The following CDYL2 variants were observed in gnomAD, a reference collection of about 807,000 sequenced individuals.
CDYL2 encodes chromodomain Y like 2, also known as chromodomain Y-like protein 2.
Under a neutral mutation model 49.4 loss-of-function variants are expected in CDYL2, and 23 were observed. The ratio of observed to expected loss-of-function variants is 0.47; its 90% confidence interval spans 0.34 to 0.66. CDYL2 has a LOEUF of 0.66. Among genes scored for constraint, CDYL2 ranks in the 30% least tolerant of loss-of-function variants. The probability of loss-of-function intolerance (pLI) is 0.01; values close to 1 mark genes in which losing one functional copy is unlikely to be tolerated. For missense variants in CDYL2, 678 were observed against 656.4 expected (o/e 1.03, Z -0.36); for synonymous variants, 360 against 268.8 (o/e 1.34, Z -3.32).
intron 3 of CDYL2, among the ~76,000 whole-genome samples, chr16:80,624,103 C>G (rs1274460189): frequency 6.6e-6 from 1 of 152,162 alleles, no homozygotes; most frequent in Non-Finnish European, 1.5e-5. Context: ...AACCTTGCAG[C>G]AACACTGCGT....
chr16:80,747,602 C>A (rs1267081457), intron 1 of CDYL2, among the ~76,000 whole-genome samples: 1 of 152,070 alleles, frequency 6.6e-6, no homozygotes, highest in Admixed American at 6.5e-5. Flanking sequence ...TGGCAGCTTC[C>A]CCTCTGGAGT....
intron 2 of CDYL2, among the ~76,000 whole-genome samples, chr16:80,661,377 G>A (rs1909038169): frequency 6.6e-6 from 1 of 152,142 alleles, no homozygotes; most frequent in Admixed American, 6.5e-5. Context: ...GTGTCACTTT[G>A]GCATATTCCC....
chr16:80,637,668 A>G (rs1421500181), intron 2 of CDYL2, among the ~76,000 whole-genome samples: 1 of 130,900 alleles, frequency 7.6e-6, no homozygotes. Flanking sequence ...TTAAAAAAAT[A>G]CTGTTTTAAT....
intron 6 of CDYL2, among the ~76,000 whole-genome samples, chr16:80,606,673 C>G (rs1028237834): frequency 1.3e-5 from 2 of 152,180 alleles, no homozygotes; most frequent in African/African-American, 4.8e-5. Flanking sequence ...TGCCTGTGTC[C>G]CAACCCAAAT....
At chr16:80,687,243 T>C (rs1222057238) in intron 1 of CDYL2, among the ~76,000 whole-genome samples, 2 of 152,184 alleles carry the variant, frequency 1.3e-5, no homozygotes, top group African/African-American at 2.4e-5. Flanking sequence ...CTAAGGGATG[T>C]GGTGTATTCT....
At chr16:80,618,794 G>C (rs1455401722) in intron 4 of CDYL2, among the ~76,000 whole-genome samples, 1 of 152,226 alleles carries the variant, frequency 6.6e-6, no homozygotes, top group African/African-American at 2.4e-5. Flanking sequence ...CTGCCCACCA[G>C]AAGGAGCAGC....
intron 1 of CDYL2, among the ~76,000 whole-genome samples, chr16:80,701,580 C>G (rs1275723063): frequency 6.6e-6 from 1 of 152,152 alleles, no homozygotes; most frequent in Non-Finnish European, 1.5e-5. Flanking sequence ...CAAACGTTAA[C>G]TTTCACAAGA....
At position 80,612,405 on chromosome 16, in the gene CDYL2, G is replaced by A. The variant is rs530894528; in HGVS notation, c.1218+221C>T. Among the ~76,000 whole-genome samples the A allele has an allele frequency of 6.6e-6, 1 of 152,138 alleles. No homozygotes were observed. The highest frequency in any genetic ancestry group is 2.4e-5 in the African/African-American group (1 of 41,428). On this transcript the variant is annotated intron_variant, in intron 5 of 6. Coordinates refer to ENST00000570137, the MANE Select transcript of CDYL2 (RefSeq NM_152342.4). The surrounding 1 kb of genome is among the most constrained non-coding windows in gnomAD (Gnocchi z 5.0). ...CAGGGGGTTGGAGTGAGGAATAATT[G>A]AGACGCCATGCAGAGTGCATGGTCC...
chr16:80,628,815 C>T (rs1211254899), intron 3 of CDYL2, among the ~76,000 whole-genome samples: 1 of 152,130 alleles, frequency 6.6e-6, no homozygotes, highest in African/African-American at 2.4e-5. Flanking sequence ...CAGTCTTTAT[C>T]CCCAAGAAGT....
At chr16:80,771,647 C>T (rs934386636) in intron 1 of CDYL2, among the ~76,000 whole-genome samples, 23 of 151,846 alleles carry the variant, frequency 1.5e-4, no homozygotes, top group African/African-American at 5.3e-4. Flanking sequence ...CGCTTGAATC[C>T]GGGAGGCAGG....
chr16:80,608,033 C>A, intron 6 of CDYL2, 59 bp downstream of exon 6: 1 of 1,504,578 alleles, frequency 6.6e-7, no homozygotes. Context: ...GCCTTGCTGT[C>A]TTCATGTGTA....
chr16:80,642,410 C>T (rs951208102), intron 2 of CDYL2, among the ~76,000 whole-genome samples: 4 of 152,218 alleles, frequency 2.6e-5, no homozygotes, highest in Admixed American at 2.0e-4. Flanking sequence ...CCACTGCAGT[C>T]TAGCCTGGGT....
intron 1 of CDYL2, chr16:80,735,259 A>G (rs1424335876): frequency 2.0e-5 from 3 of 152,238 alleles, no homozygotes; most frequent in Non-Finnish European, 4.4e-5. Flanking sequence ...TTTGCCAGTA[A>G]GCCACAAAGA....
At chr16:80,626,840 G>C (rs959383962) in intron 3 of CDYL2, among the ~76,000 whole-genome samples, 11 of 152,134 alleles carry the variant, frequency 7.2e-5, no homozygotes, top group African/African-American at 2.7e-4. Flanking sequence ...GTAGTGCCAG[G>C]AATTGCACCA....
At chr16:80,679,660 T>C (rs905616576) in intron 2 of CDYL2, 15 of 455,598 alleles carry the variant, frequency 3.3e-5, no homozygotes, top group African/African-American at 1.6e-4. Flanking sequence ...TTTCACAAAC[T>C]TTCTCTTTAC....
At chr16:80,645,013 T>C (rs528151527) in intron 2 of CDYL2, among the ~76,000 whole-genome samples, 5 of 152,258 alleles carry the variant, frequency 3.3e-5, no homozygotes, top group East Asian at 1.9e-4. Flanking sequence ...GACTTAAACG[T>C]TAGACCTAAA....
intron 1 of CDYL2, among the ~76,000 whole-genome samples, chr16:80,692,901 A>G (rs1054835227): frequency 5.9e-5 from 9 of 152,322 alleles, no homozygotes; most frequent in African/African-American, 2.2e-4. Flanking sequence ...ATTTTTTCTC[A>G]TAACAGACAA....
chr16:80,606,567 AC>A (rs1226163645), intron 6 of CDYL2, among the ~76,000 whole-genome samples: 4 of 152,090 alleles, frequency 2.6e-5, no homozygotes, highest in African/African-American at 9.7e-5. Flanking sequence ...CACTCTTGCC[AC>A]TTCCTCTGCT....
intron 3 of CDYL2, among the ~76,000 whole-genome samples, chr16:80,625,926 A>G (rs997114603): frequency 3.9e-5 from 6 of 152,160 alleles, no homozygotes; most frequent in Non-Finnish European, 8.8e-5. Flanking sequence ...GACCCTCACT[A>G]AAAGAACTAA....
Sources: allele counts gnomAD v4.1 joint callset (sites outside exome capture counted in the v4.1 genomes callset), GRCh38; gene constraint gnomAD v4.1.1; non-coding constraint Gnocchi (gnomAD v3.1); transcripts MANE v1.5; gene names NCBI Gene and HGNC (gene_info 2026-07-23, HGNC 2026-07-21).